SHISA9: variants seen among roughly 807,000 people sequenced by gnomAD.
SHISA9 encodes the protein shisa family member 9, also known as protein shisa-9.
A neutral mutation model predicts 38.0 loss-of-function variants in SHISA9; 13 were observed. The ratio of observed to expected loss-of-function variants is 0.34; its 90% CI spans 0.22 to 0.54. The LOEUF (loss-of-function observed/expected upper bound fraction) is 0.54. Ranked by LOEUF, SHISA9 falls within the 20% of genes least tolerant of loss-of-function variation. The probability of loss-of-function intolerance (pLI) is 0.91; values close to 1 mark genes in which losing one functional copy is unlikely to be tolerated. For synonymous variants in SHISA9, 275 were observed against 242.0 expected (o/e 1.14, Z -1.27); for missense variants, 538 against 575.8 (o/e 0.93, Z 0.67).
chr16:13,304,024 A>C, the SHISA9 span, among the ~76,000 whole-genome samples: 1 of 151,930 alleles, frequency 6.6e-6, no homozygotes, highest in Admixed American at 6.6e-5. Context: ...TTAAAAAAAA[A>C]AATAATAAAG....
chr16:12,929,598 A>G (rs754082771), intron 2 of SHISA9, among the ~76,000 whole-genome samples: 2 of 151,670 alleles, frequency 1.3e-5, no homozygotes, highest in East Asian at 1.9e-4. Context: ...ATGAGAACAC[A>G]TGGACACAGG....
chr16:13,094,560 G>A (rs772633269), intron 2 of SHISA9, among the ~76,000 whole-genome samples: 8 of 152,084 alleles, frequency 5.3e-5, no homozygotes, highest in South Asian at 2.1e-4. Context: ...AAAGTCGGAG[G>A]GAAAGCCAAC....
the SHISA9 span, among the ~76,000 whole-genome samples, chr16:13,366,534 C>G: frequency 5.9e-5 from 9 of 152,126 alleles, no homozygotes; most frequent in Non-Finnish European, 1.3e-4. Flanking sequence ...CTAGACCACA[C>G]TGTGAGTAGC....
the SHISA9 span, among the ~76,000 whole-genome samples, chr16:13,456,689 C>G: frequency 6.6e-6 from 1 of 152,202 alleles, no homozygotes; most frequent in Non-Finnish European, 1.5e-5. Flanking sequence ...CATACGTTAT[C>G]AGTTCTACCT....
At chr16:13,257,234 G>A in the SHISA9 span, among the ~76,000 whole-genome samples, 2 of 152,172 alleles carry the variant, frequency 1.3e-5, no homozygotes, top group African/African-American at 2.4e-5. Flanking sequence ...TACTAAATGA[G>A]ATACTTCATT....
intron 2 of SHISA9, among the ~76,000 whole-genome samples, chr16:12,983,811 G>A (rs1368956315): frequency 2.6e-5 from 4 of 152,128 alleles, no homozygotes; most frequent in Non-Finnish European, 5.9e-5. Context: ...TAACTGCTCC[G>A]TTATTCACCC....
At chr16:13,046,420 C>G (rs1013865437) in intron 2 of SHISA9, among the ~76,000 whole-genome samples, 1 of 149,358 alleles carries the variant, frequency 6.7e-6, no homozygotes, top group African/African-American at 2.4e-5. Context: ...CTTGGGCCTG[C>G]CCTGGGGAAA....
the SHISA9 span, among the ~76,000 whole-genome samples, chr16:13,541,021 C>T: frequency 2.0e-5 from 3 of 152,106 alleles, no homozygotes; most frequent in Admixed American, 6.6e-5. Flanking sequence ...ACCCGGGTGT[C>T]GGGATTCCTC....
chr16:13,217,488 C>A (rs2051181640), intron 4 of SHISA9, among the ~76,000 whole-genome samples: 1 of 152,200 alleles, frequency 6.6e-6, no homozygotes, highest in South Asian at 2.1e-4. Flanking sequence ...TGTAATCTCT[C>A]TGCTTCTGAC....
chr16:12,941,679 C>G (rs560310570), intron 2 of SHISA9, among the ~76,000 whole-genome samples: 1 of 152,166 alleles, frequency 6.6e-6, no homozygotes, highest in Non-Finnish European at 1.5e-5. Flanking sequence ...ATGGTGAAAC[C>G]CCATCTCTAC....
At chr16:13,250,350 A>C in the SHISA9 span, among the ~76,000 whole-genome samples, 1 of 152,128 alleles carries the variant, frequency 6.6e-6, no homozygotes. Flanking sequence ...AGGAGTGGCA[A>C]ATAGAATTTA....
At chr16:13,370,394 C>T in the SHISA9 span, among the ~76,000 whole-genome samples, 3 of 152,110 alleles carry the variant, frequency 2.0e-5, no homozygotes, top group Non-Finnish European at 4.4e-5. Context: ...AATGCCTTGG[C>T]CCAAAGACAC....
the SHISA9 span, among the ~76,000 whole-genome samples, chr16:13,425,087 G>T: frequency 2.0e-5 from 3 of 152,200 alleles, no homozygotes; most frequent in East Asian, 3.8e-4. Context: ...TATCCTAAGC[G>T]AATGAATGCA....
chr16:13,286,993 T>C, the SHISA9 span, among the ~76,000 whole-genome samples: 1 of 152,202 alleles, frequency 6.6e-6, no homozygotes, highest in Admixed American at 6.5e-5. Flanking sequence ...TGTTAATTTT[T>C]TTTAACTCAT....
chr16:13,355,766 T>C, the SHISA9 span, among the ~76,000 whole-genome samples: 1 of 152,024 alleles, frequency 6.6e-6, no homozygotes, highest in Non-Finnish European at 1.5e-5. Context: ...ACTGTGAGAG[T>C]TACCTGAAGC....
At chr16:13,295,049 G>A in the SHISA9 span, among the ~76,000 whole-genome samples, 1 of 152,074 alleles carries the variant, frequency 6.6e-6, no homozygotes, top group Non-Finnish European at 1.5e-5. Context: ...GGAATAGAAA[G>A]GTTTGGTACC....
the SHISA9 span, among the ~76,000 whole-genome samples, chr16:13,437,187 G>T: frequency 9.9e-5 from 15 of 151,978 alleles, no homozygotes; most frequent in Admixed American, 7.2e-4. Flanking sequence ...TCACAAAAAA[G>T]ATTTTCAAGT....
the SHISA9 span, among the ~76,000 whole-genome samples, chr16:13,432,910 A>G: frequency 6.6e-6 from 1 of 152,158 alleles, no homozygotes; most frequent in African/African-American, 2.4e-5. Context: ...CCTGGGGTCT[A>G]TCGGAGGGTG....
the SHISA9 span, among the ~76,000 whole-genome samples, chr16:13,398,036 A>T: frequency 6.6e-6 from 1 of 152,032 alleles, no homozygotes; most frequent in African/African-American, 2.4e-5. Flanking sequence ...CTCCAGGAGG[A>T]TCCGACAGTC....
Sources: allele counts gnomAD v4.1 joint callset (sites outside exome capture counted in the v4.1 genomes callset), GRCh38; gene constraint gnomAD v4.1.1; transcripts MANE v1.5; gene names NCBI Gene and HGNC (gene_info 2026-07-23, HGNC 2026-07-21).